The following SORCS1 variants were observed in gnomAD, a reference collection of about 807,000 sequenced individuals.
SORCS1 encodes sortilin related VPS10 domain containing receptor 1, also known as VPS10 domain-containing receptor SorCS1.
A neutral mutation model predicts 146.1 loss-of-function variants in SORCS1; 60 were observed. The observed-to-expected ratio is 0.41, with a 90% CI of 0.33 to 0.51. The LOEUF (loss-of-function observed/expected upper bound fraction) is 0.51, where lower values mean the gene tolerates loss of function less well. Among genes scored for constraint, SORCS1 ranks in the 20% least tolerant of loss-of-function variants. The probability of loss-of-function intolerance (pLI) is 0.21; values close to 1 mark genes in which losing one functional copy is unlikely to be tolerated. For synonymous variants in SORCS1, 637 were observed against 584.0 expected (o/e 1.09, Z -1.31); for missense variants, 1,352 against 1,487.6 (o/e 0.91, Z 1.50).
intron 3 of SORCS1, among the ~76,000 whole-genome samples, chr10:106,812,330 C>T (rs953186487): frequency 9.2e-5 from 14 of 152,282 alleles, no homozygotes; most frequent in Non-Finnish European, 1.5e-5. Context: ...GAATCTACTA[C>T]CACCATACGT....
At chr10:106,903,010 G>A (rs1951775901) in intron 2 of SORCS1, among the ~76,000 whole-genome samples, 1 of 152,168 alleles carries the variant, frequency 6.6e-6, no homozygotes. Context: ...CTCAGGAGGT[G>A]GAGGTTGCAG....
Position 106,618,068 on chromosome 10 carries a change from G to C in SORCS1, c.2920+81C>G, listed in dbSNP as rs1157230718. ...TCTCCAGGTAAAAGTCACAGCTGGG[G>C]GATGGTCTCTGGCATCATGGCACAA... On this transcript the variant is annotated intron_variant, in intron 21 of 25. Transcript: ENST00000263054. 9 of 1,569,584 alleles carry C rather than the reference G, an allele frequency of 5.7e-6. No individual in the cohort carries two copies. The African/African-American group carries it at 1.1e-4, about 19-fold the overall frequency.
chr10:106,967,174 G>A (rs775438273), intron 1 of SORCS1, among the ~76,000 whole-genome samples: 4 of 150,476 alleles, frequency 2.7e-5, no homozygotes, highest in Non-Finnish European at 4.4e-5. Flanking sequence ...AAACCAGAGA[G>A]TCTGAGGACA....
intron 21 of SORCS1, among the ~76,000 whole-genome samples, chr10:106,613,581 C>T (rs1847155365): frequency 6.6e-6 from 1 of 152,160 alleles, no homozygotes; most frequent in Non-Finnish European, 1.5e-5. Context: ...CACTGGTGGC[C>T]TTGGTCAGTT....
intron 2 of SORCS1, among the ~76,000 whole-genome samples, chr10:106,915,777 C>A (rs1198363710): frequency 1.3e-5 from 2 of 152,170 alleles, no homozygotes; most frequent in African/African-American, 4.8e-5. Context: ...TAATGTATTG[C>A]CCCCTTCCAG....
At chr10:106,881,771 C>A (rs1950811250) in intron 2 of SORCS1, among the ~76,000 whole-genome samples, 1 of 152,132 alleles carries the variant, frequency 6.6e-6, no homozygotes, top group Admixed American at 6.6e-5. Context: ...GATTTCTTAC[C>A]CGATATCCTA....
intron 2 of SORCS1, among the ~76,000 whole-genome samples, chr10:106,955,677 G>A (rs944544870): frequency 6.6e-6 from 1 of 152,208 alleles, no homozygotes; most frequent in Admixed American, 6.5e-5. Flanking sequence ...CACCATGGAA[G>A]GGAAGTTAGT....
At chr10:106,812,130 A>G (rs907026833) in intron 3 of SORCS1, among the ~76,000 whole-genome samples, 2 of 152,054 alleles carry the variant, frequency 1.3e-5, no homozygotes, top group African/African-American at 4.8e-5. Flanking sequence ...CCTCCCGAGT[A>G]GCTGGGACTA....
At chr10:107,009,716 C>T (rs1957615339) in intron 1 of SORCS1, among the ~76,000 whole-genome samples, 1 of 152,188 alleles carries the variant, frequency 6.6e-6, no homozygotes, top group South Asian at 2.1e-4. Flanking sequence ...ATCACAATCT[C>T]ATAATATGCA....
intron 1 of SORCS1, among the ~76,000 whole-genome samples, chr10:106,974,946 G>A (rs1955931219): frequency 6.6e-6 from 1 of 152,138 alleles, no homozygotes; most frequent in African/African-American, 2.4e-5. Flanking sequence ...CAAAACCTGA[G>A]GTCTAACATT....
intron 1 of SORCS1, among the ~76,000 whole-genome samples, chr10:107,148,052 T>C (rs1366380917): frequency 6.6e-6 from 1 of 152,102 alleles, no homozygotes; most frequent in Non-Finnish European, 1.5e-5. Flanking sequence ...GCAGTAAAGT[T>C]TTAGGCAGCT....
intron 17 of SORCS1, among the ~76,000 whole-genome samples, chr10:106,664,684 G>A (rs1047486100): frequency 1.3e-5 from 2 of 152,066 alleles, no homozygotes; most frequent in Admixed American, 6.6e-5. Context: ...ACTGAAGAGT[G>A]AGGGGTCACA....
At chr10:106,676,307 G>A (rs549848959) in intron 13 of SORCS1, among the ~76,000 whole-genome samples, 13 of 152,232 alleles carry the variant, frequency 8.5e-5, no homozygotes, top group South Asian at 6.2e-4. Flanking sequence ...TGTGGGACAC[G>A]CACAGGCAGA....
chr10:106,814,063 C>G (rs1947613278), intron 3 of SORCS1, among the ~76,000 whole-genome samples: 1 of 152,174 alleles, frequency 6.6e-6, no homozygotes, highest in Non-Finnish European at 1.5e-5. Flanking sequence ...CAAGTATTTA[C>G]TGAGTCCTTC....
At chr10:107,028,669 A>G (rs909662427) in intron 1 of SORCS1, among the ~76,000 whole-genome samples, 2 of 152,162 alleles carry the variant, frequency 1.3e-5, no homozygotes, top group African/African-American at 4.8e-5. Flanking sequence ...TTCATAATTC[A>G]ATCAAGCACT....
At chr10:106,624,987 T>C (rs1423856308) in intron 19 of SORCS1, among the ~76,000 whole-genome samples, 1 of 152,196 alleles carries the variant, frequency 6.6e-6, no homozygotes, top group Non-Finnish European at 1.5e-5. Context: ...AGTAGGATGC[T>C]GAACTGGCAG....
chr10:106,992,762 C>T (rs1467234610), intron 1 of SORCS1, among the ~76,000 whole-genome samples: 1 of 151,062 alleles, frequency 6.6e-6, no homozygotes, highest in Non-Finnish European at 1.5e-5. Flanking sequence ...TCTCAGAGTG[C>T]TGGCATTACA....
Position 106,671,280 on chromosome 10 carries a change from T to C in SORCS1, c.2146A>G (p.Met716Val), listed in dbSNP as rs560958788. The change falls in exon 16 of 26, where the codon ATG (methionine) becomes GTG (valine). Residue 716 changes from methionine (M) to valine (V), a missense_variant. This residue lies in a region of SORCS1 where 648 missense variants were observed against 793.8 expected (regional missense o/e 0.82). Coordinates refer to ENST00000263054, the MANE Select transcript of SORCS1 (RefSeq NM_052918.5). Reference protein sequence around the residue: ...KCMQGKYAGAMESEPCVCTEA... With the variant: ...KCMQGKYAGAVESEPCVCTEA... ...GTGCAGACACAGGGTTCAGATTCCATAGCTCCTGCATATTTTCCTTGCATA... is the reference window on the plus strand; with the variant it reads ...GTGCAGACACAGGGTTCAGATTCCACAGCTCCTGCATATTTTCCTTGCATA... The C allele has an allele frequency of 9.9e-6, 16 of 1,614,154 alleles. No homozygotes were observed. Among genetic ancestry groups the C allele is most frequent in the South Asian group, 8.8e-5 (8 of 91,080 alleles).
intron 12 of SORCS1, among the ~76,000 whole-genome samples, chr10:106,678,012 G>A (rs1852163340): frequency 6.6e-6 from 1 of 152,134 alleles, no homozygotes; most frequent in Non-Finnish European, 1.5e-5. Flanking sequence ...TGTGTCATTT[G>A]GTCTTTCTCC....
Sources: gnomAD v4.1 joint callset for allele counts (sites outside exome capture counted in the v4.1 genomes callset) on GRCh38, gnomAD v4.1.1 for gene constraint, gnomAD v4.1.1 regional missense constraint, MANE v1.5 for transcripts, NCBI Gene and HGNC (gene_info 2026-07-23, HGNC 2026-07-21) for gene names.